Variants in NAV2 observed in about 807,000 individuals in gnomAD.
The protein encoded by NAV2 is helicase, APC down-regulated 1.
Under a neutral mutation model 223.2 loss-of-function variants are expected in NAV2, and 54 were observed. The ratio of observed to expected loss-of-function variants is 0.24; its 90% CI spans 0.19 to 0.30. NAV2 has a LOEUF of 0.30. NAV2 is among the 10% of genes least tolerant of loss of function. The probability of loss-of-function intolerance (pLI) is 1.00; values close to 1 mark genes in which losing one functional copy is unlikely to be tolerated. For missense variants in NAV2, 2,806 were observed against 3,147.5 expected (o/e 0.89, Z 2.60); for synonymous variants, 1,279 against 1,239.3 (o/e 1.03, Z -0.67).
intron 26 of NAV2, among the ~76,000 whole-genome samples, chr11:20,085,151 C>T (rs910864537): frequency 1.3e-5 from 2 of 151,556 alleles, no homozygotes; most frequent in Non-Finnish European, 2.9e-5. Flanking sequence ...CTGTGATCAC[C>T]CTGTACTCCA....
At chr11:19,618,270 A>G (rs1406541240) in intron 1 of NAV2, among the ~76,000 whole-genome samples, 1 of 150,914 alleles carries the variant, frequency 6.6e-6, no homozygotes, top group Non-Finnish European at 1.5e-5. Flanking sequence ...GGGTGGCTGG[A>G]TGGATCAATG....
chr11:19,981,922 A>T (rs751454044), intron 10 of NAV2, among the ~76,000 whole-genome samples: 85 of 152,328 alleles, frequency 5.6e-4, no homozygotes, highest in Admixed American at 2.8e-3. Flanking sequence ...GAAAACCTGT[A>T]ATCAGTGTTC....
At chr11:19,874,586 T>C (rs764839032) in intron 4 of NAV2, among the ~76,000 whole-genome samples, 23 of 152,184 alleles carry the variant, frequency 1.5e-4, no homozygotes, top group Non-Finnish European at 3.4e-4. Context: ...CCAAGCCTCA[T>C]GGAACACAGA....
chr11:19,888,931 A>T (rs973504187), intron 5 of NAV2, among the ~76,000 whole-genome samples: 2 of 151,986 alleles, frequency 1.3e-5, no homozygotes, highest in Admixed American at 6.6e-5. Flanking sequence ...AACTTCACGT[A>T]TTTTACCAAT....
intron 1 of NAV2, among the ~76,000 whole-genome samples, chr11:19,629,528 T>TTC (rs1370657302): frequency 7.1e-6 from 1 of 141,538 alleles, no homozygotes; most frequent in South Asian, 2.2e-4. Flanking sequence ...CTTTCTTTTT[T>TTC]TCTCTCTCTC....
intron 1 of NAV2, among the ~76,000 whole-genome samples, chr11:19,746,129 T>A (rs1158139431): frequency 1.3e-5 from 2 of 152,100 alleles, no homozygotes; most frequent in Non-Finnish European, 2.9e-5. Flanking sequence ...AATCATAGGG[T>A]CAGGTCAAAT....
At chr11:19,832,446 A>T (rs12364204) in intron 1 of NAV2, 38 bp from the exon 2 acceptor site, 299,334 of 1,543,800 alleles carry the variant, frequency 0.19, 30,054 homozygotes, top group Middle Eastern at 0.27. Context: ...AGGGGATCCG[A>T]CTGGCTTCCT....
At chr11:19,543,767 C>G (rs1315570304) in intron 1 of NAV2, among the ~76,000 whole-genome samples, 2 of 152,342 alleles carry the variant, frequency 1.3e-5, no homozygotes, top group South Asian at 4.1e-4. Context: ...CTTGTCCTCT[C>G]TTGTCTCACT....
intron 11 of NAV2, among the ~76,000 whole-genome samples, chr11:20,010,341 C>T (rs767771888): frequency 4.6e-5 from 7 of 152,140 alleles, no homozygotes; most frequent in Non-Finnish European, 1.0e-4. Flanking sequence ...TGTCTGCTCC[C>T]GTGGATCAGG....
chr11:19,499,062 A>G (rs540419723), intron 1 of NAV2, among the ~76,000 whole-genome samples: 2 of 152,366 alleles, frequency 1.3e-5, no homozygotes, highest in East Asian at 3.9e-4. Flanking sequence ...CATACAGCCT[A>G]GCCAACCTGT....
rs182895308 is a variant in NAV2, at chr11:19,428,524, G to C, written c.75+77497G>C. The stretch of plus-strand genomic sequence containing the variant: ...CCTGCTATTACTTACACTGAATTCA[G>C]ATTTGGATTACCCGAGTTAGGATAA... On this transcript the variant is annotated intron_variant, in intron 1 of 37. Transcript: ENST00000360655. Among the ~76,000 whole-genome samples, 199 of 152,358 alleles carry C rather than the reference G, an allele frequency of 1.3e-3. 1 individual carries two copies. The highest frequency in any genetic ancestry group is 4.4e-3 in the African/African-American group (185 of 41,586).
chr11:20,096,712 C>A (rs769887123), intron 30 of NAV2, among the ~76,000 whole-genome samples: 54 of 152,190 alleles, frequency 3.5e-4, no homozygotes, highest in Non-Finnish European at 6.9e-4. Flanking sequence ...TTTCTAACAG[C>A]TAGATCCAGG....
chr11:19,837,025 A>G (rs1338555190), intron 2 of NAV2, among the ~76,000 whole-genome samples: 1 of 152,188 alleles, frequency 6.6e-6, no homozygotes, highest in African/African-American at 2.4e-5. Flanking sequence ...TACATTAGGG[A>G]TTAAACCTGA....
At chr11:20,071,987 A>C (rs1373787639) in intron 22 of NAV2, among the ~76,000 whole-genome samples, 1 of 151,920 alleles carries the variant, frequency 6.6e-6, no homozygotes. Flanking sequence ...ATTGCTTTTG[A>C]TATTTTAGTC....
In NAV2 at chr11:20,118,409, C is replaced by T; in HGVS notation, c.*151C>T. On this transcript the variant is annotated 3_prime_UTR_variant, in exon 38 of 38. Coordinates refer to ENST00000349880, the MANE Select transcript of NAV2 (RefSeq NM_145117.5). ...AGACCCCCCGTCCTTCAGCCTCGAC[C>T]TGGGTGCAGGCATCCCGGGCCAGCT... 1 of 884,024 alleles carries T rather than the reference C, an allele frequency of 1.1e-6. No individual in the cohort carries two copies. Among genetic ancestry groups the T allele is most frequent in the Non-Finnish European group, 1.7e-6 (1 of 571,838 alleles). 54.8% of individuals were successfully genotyped at this position (884,024 alleles called of 1,614,324 possible).
At chr11:19,638,612 A>G (rs1206126772) in intron 1 of NAV2, among the ~76,000 whole-genome samples, 1 of 152,174 alleles carries the variant, frequency 6.6e-6, no homozygotes, top group Non-Finnish European at 1.5e-5. Flanking sequence ...AGCATAAAGT[A>G]TTTTCTATTA....
At chr11:19,493,728 A>T (rs1050129792) in intron 1 of NAV2, among the ~76,000 whole-genome samples, 1 of 152,170 alleles carries the variant, frequency 6.6e-6, no homozygotes, top group Non-Finnish European at 1.5e-5. Flanking sequence ...TGCCTGGGAC[A>T]GTTGCTGCAT....
intron 1 of NAV2, among the ~76,000 whole-genome samples, chr11:19,590,063 C>G (rs191312327): frequency 1.3e-5 from 2 of 152,134 alleles, no homozygotes; most frequent in African/African-American, 4.8e-5. Flanking sequence ...TAGGCTTCCT[C>G]GCTTGTGATC....
intron 1 of NAV2, among the ~76,000 whole-genome samples, chr11:19,595,530 G>A (rs60227091): frequency 0.085 from 12,925 of 152,052 alleles, 1,798 homozygotes; most frequent in African/African-American, 0.3. Context: ...TCTCCAGTCA[G>A]TCTGATTTCA....
Sources: allele counts gnomAD v4.1 joint callset (sites outside exome capture counted in the v4.1 genomes callset), GRCh38; gene constraint gnomAD v4.1.1; transcripts MANE v1.5; gene names NCBI Gene and HGNC (gene_info 2026-07-23, HGNC 2026-07-21).